The following ATXN3 variants were observed in gnomAD, a reference collection of about 807,000 sequenced individuals.
ATXN3 encodes ataxin-3.
In ATXN3, 28 loss-of-function variants were observed where a neutral mutation model predicts 58.2. That is an observed-to-expected ratio of 0.48 (90% CI 0.36 to 0.66). The LOEUF (loss-of-function observed/expected upper bound fraction) is 0.66. Among genes scored for constraint, ATXN3 ranks in the 30% least tolerant of loss-of-function variants. The pLI is 0.00. For synonymous variants in ATXN3, 113 were observed against 138.5 expected (o/e 0.82, Z 1.29); for missense variants, 321 against 422.1 (o/e 0.76, Z 2.10).
chr14:92,098,389 A>T (rs989229049), intron 1 of ATXN3, among the ~76,000 whole-genome samples: 1 of 152,140 alleles, frequency 6.6e-6, no homozygotes, highest in African/African-American at 2.4e-5. Context: ...GGAGTTCGAG[A>T]CCAGCCTGAC....
At position 92,082,485 on chromosome 14, in the gene ATXN3, G is replaced by T; in HGVS notation, c.609-19C>A. On this transcript the variant is annotated intron_variant, in intron 7 of 10. Transcript: ENST00000644486. ...ATGGACTCTAAAGAACAAAAGCACT[G>T]GTAATAACTGCAACCAATCTTCTAT... is the stretch of plus-strand genomic sequence containing the variant. The T allele has an allele frequency of 6.3e-7, 1 of 1,587,958 alleles. No individual in the cohort carries two copies. Among genetic ancestry groups the T allele is most frequent in the Admixed American group, 1.8e-5 (1 of 57,140 alleles).
intron 10 of ATXN3, among the ~76,000 whole-genome samples, chr14:92,067,105 G>T (rs2140281442): frequency 6.6e-6 from 1 of 151,902 alleles, no homozygotes; most frequent in South Asian, 2.1e-4. Context: ...AAAAAATGTT[G>T]TATGTACCCC....
intron 5 of ATXN3, among the ~76,000 whole-genome samples, chr14:92,092,553 G>A (rs2064077339): frequency 6.6e-6 from 1 of 152,104 alleles, no homozygotes; most frequent in South Asian, 2.1e-4. Context: ...TTCAGGCTTT[G>A]TGACAGCACT....
At chr14:92,090,523 C>G (rs531705648) in intron 5 of ATXN3, 1 of 152,120 alleles carries the variant, frequency 6.6e-6, no homozygotes, top group Non-Finnish European at 1.5e-5. Context: ...TGGATTTTGA[C>G]AATGTTAATA....
chr14:92,105,377 T>C (rs886982977), intron 1 of ATXN3, among the ~76,000 whole-genome samples: 1 of 152,126 alleles, frequency 6.6e-6, no homozygotes, highest in Non-Finnish European at 1.5e-5. Context: ...GATCTCTCCA[T>C]TGCACACCTG....
Position 92,093,247 on chromosome 14 carries a change from G to T in ATXN3, c.387+5C>A, listed in dbSNP as rs779769299. The T allele has an allele frequency of 6.1e-6, 9 of 1,487,332 alleles. No individual in the cohort carries two copies. Among genetic ancestry groups the T allele is most frequent in the Admixed American group, 3.6e-5 (2 of 55,322 alleles). 92.1% of individuals were successfully genotyped at this position (1,487,332 alleles called of 1,614,324 possible). The stretch of plus-strand genomic sequence containing the variant: ...AAAAAGACAAGGAAGGGTAAGAAAT[G>T]TTACCTGTTTTCCTAATTTTCTAAC... On this transcript the variant is annotated splice_donor_5th_base_variant and intron_variant, in intron 5 of 10. Coordinates refer to ENST00000644486, the MANE Select transcript of ATXN3 (RefSeq NM_004993.6).
In ATXN3 at chr14:92,060,224, A is replaced by G. The variant is rs1308647043; in HGVS notation, c.*4096T>C. The G allele has an allele frequency of 2.8e-5, 4 of 143,398 alleles. No homozygotes were observed. The highest frequency in any genetic ancestry group is 6.0e-5 in the Non-Finnish European group (4 of 66,482). The allele number at this position is 143,398 out of a possible 1,614,324, so 8.9% of individuals were successfully genotyped here. A position where few individuals can be genotyped will look rare whatever the true frequency, so the allele number is the denominator to read the frequency against. On this transcript the variant is annotated 3_prime_UTR_variant, in exon 11 of 11. Transcript: ENST00000644486. Reference sequence around the variant, plus strand: ...GATAAAGTTTTTAATAGGAAGTCATATATATATACATATATATATACACAC... The same window carrying G: ...GATAAAGTTTTTAATAGGAAGTCATGTATATATACATATATATATACACAC...
chr14:92,075,272 CT>C (rs1406038570), intron 9 of ATXN3, among the ~76,000 whole-genome samples: 1 of 146,804 alleles, frequency 6.8e-6, no homozygotes, highest in East Asian at 2.1e-4. Context: ...TCAAGTGATT[CT>C]CCTGCCTCAG....
intron 5 of ATXN3, among the ~76,000 whole-genome samples, chr14:92,089,265 C>T (rs549433428): frequency 5.3e-5 from 8 of 151,476 alleles, no homozygotes; most frequent in Non-Finnish European, 1.0e-4. Context: ...ATGATCCGCC[C>T]GCCTCAGCCT....
intron 10 of ATXN3, among the ~76,000 whole-genome samples, chr14:92,067,186 T>C (rs2058606278): frequency 1.3e-5 from 2 of 152,198 alleles, no homozygotes; most frequent in African/African-American, 4.8e-5. Context: ...AGGTCATTTC[T>C]TGCTAATTTC....
chr14:92,068,047 C>A (rs2058757982), intron 10 of ATXN3, among the ~76,000 whole-genome samples: 1 of 152,256 alleles, frequency 6.6e-6, no homozygotes, highest in African/African-American at 2.4e-5. Flanking sequence ...TGGGTGTCAG[C>A]AACAGTCTGG....
At chr14:92,077,894 G>A (rs1355769764) in intron 9 of ATXN3, among the ~76,000 whole-genome samples, 1 of 151,974 alleles carries the variant, frequency 6.6e-6, no homozygotes, top group Middle Eastern at 3.5e-3. Context: ...TGATCTGCCT[G>A]CCTCAGCCTC....
chr14:92,071,788 A>G (rs2059497273), intron 9 of ATXN3, among the ~76,000 whole-genome samples: 1 of 152,108 alleles, frequency 6.6e-6, no homozygotes, highest in Non-Finnish European at 1.5e-5. Context: ...CATTCTTTTC[A>G]CTCAGGTCTG....
chr14:92,097,068 C>G (rs541126375), intron 1 of ATXN3: 1 of 412,916 alleles, frequency 2.4e-6, no homozygotes, highest in African/African-American at 2.1e-5. Flanking sequence ...CCACCACGCC[C>G]GGCTAAATTT....
chr14:92,081,617 G>C (rs2061504247), intron 8 of ATXN3, among the ~76,000 whole-genome samples: 1 of 151,706 alleles, frequency 6.6e-6, no homozygotes, highest in Non-Finnish European at 1.5e-5. Flanking sequence ...GGCAAGAAAA[G>C]TTCAGGATAA....
intron 3 of ATXN3, among the ~76,000 whole-genome samples, chr14:92,095,551 G>C (rs2065017391): frequency 6.6e-6 from 1 of 151,796 alleles, no homozygotes; most frequent in African/African-American, 2.4e-5. Flanking sequence ...CCAGAATTAA[G>C]GTTATTATTA....
chr14:92,066,946 T>C (rs918021347), intron 10 of ATXN3, among the ~76,000 whole-genome samples: 1 of 152,024 alleles, frequency 6.6e-6, no homozygotes, highest in Admixed American at 6.6e-5. Flanking sequence ...ATTTTTGTAT[T>C]TTTAGTAGAG....
chr14:92,098,601 A>C (rs1465395449), intron 1 of ATXN3, among the ~76,000 whole-genome samples: 12 of 152,290 alleles, frequency 7.9e-5, no homozygotes, highest in Non-Finnish European at 1.5e-5. Flanking sequence ...AAATAAAAAT[A>C]AAAAAATCTC....
intron 5 of ATXN3, among the ~76,000 whole-genome samples, chr14:92,089,332 C>CTTTTTTTTTTTTTTTT (rs1157498754): frequency 1.6e-5 from 1 of 60,738 alleles, no homozygotes; most frequent in African/African-American, 7.4e-5. Context: ...GCTAAATACT[C>CTTTTTTTTTTTTTTTT]TTTTTTTTTT....
Sources: allele counts gnomAD v4.1 joint callset (sites outside exome capture counted in the v4.1 genomes callset), GRCh38; gene constraint gnomAD v4.1.1; transcripts MANE v1.5; gene names NCBI Gene and HGNC (gene_info 2026-07-23, HGNC 2026-07-21).